Variants in TMEFF2 observed in about 807,000 individuals in gnomAD.
TMEFF2 encodes the protein tomoregulin-2.
Under a neutral mutation model 53.8 loss-of-function variants are expected in TMEFF2, and 28 were observed. The ratio of observed to expected loss-of-function variants is 0.52; its 90% confidence interval spans 0.39 to 0.71. The LOEUF (loss-of-function observed/expected upper bound fraction) is 0.71, where lower values mean the gene tolerates loss of function less well. Among genes scored for constraint, TMEFF2 ranks in the 30% least tolerant of loss-of-function variants. The pLI is 0.00. For missense variants in TMEFF2, 353 were observed against 455.2 expected, an observed-to-expected ratio of 0.78 and a Z score of 2.04; for synonymous variants, 162 against 166.3, an observed-to-expected ratio of 0.97 and a Z score of 0.20.
At chr2:192,131,670 C>G (rs901319131) in intron 4 of TMEFF2, among the ~76,000 whole-genome samples, 1 of 152,094 alleles carries the variant, frequency 6.6e-6, no homozygotes, top group Non-Finnish European at 1.5e-5. Context: ...ACTCTTTTCC[C>G]TGGGCTTGCC....
intron 4 of TMEFF2, among the ~76,000 whole-genome samples, chr2:192,112,691 A>G (rs1689311711): frequency 6.6e-6 from 1 of 152,094 alleles, no homozygotes; most frequent in African/African-American, 2.4e-5. Context: ...TGGTTGGGCT[A>G]TGTCCTCACC....
At chr2:192,103,566 G>A (rs955767926) in intron 4 of TMEFF2, among the ~76,000 whole-genome samples, 1 of 151,952 alleles carries the variant, frequency 6.6e-6, no homozygotes, top group Non-Finnish European at 1.5e-5. Context: ...AGACATTAAC[G>A]AAACCTGAGT....
chr2:191,987,336 T>A (rs1686001286), intron 7 of TMEFF2, among the ~76,000 whole-genome samples: 1 of 152,174 alleles, frequency 6.6e-6, no homozygotes, highest in South Asian at 2.1e-4. Context: ...AATCATGATT[T>A]CTGAACTAAA....
rs1691333448 is a variant in TMEFF2 at position 192,187,106 on chromosome 2, A to G, written c.283-2623T>C. ...AGACTTGCACTTATTAATATGAAGAACACCAGAAGGAAGCACGCTGTAAAT... is the reference window on the plus strand; with the variant it reads ...AGACTTGCACTTATTAATATGAAGAGCACCAGAAGGAAGCACGCTGTAAAT... On this transcript the variant is annotated intron_variant, in intron 2 of 9. Transcript: ENST00000272771. Among the ~76,000 whole-genome samples the G allele has an allele frequency of 2.0e-5, 3 of 152,170 alleles. No individual in the cohort carries two copies. The South Asian group carries it at 6.2e-4, about 32-fold the overall frequency.
intron 4 of TMEFF2, among the ~76,000 whole-genome samples, chr2:192,059,088 T>A (rs1224198624): frequency 6.6e-6 from 1 of 152,146 alleles, no homozygotes; most frequent in Non-Finnish European, 1.5e-5. Flanking sequence ...CAAGAAGACA[T>A]CCCTAGGAGA....
At chr2:192,176,283 T>G (rs1691041310) in intron 4 of TMEFF2, among the ~76,000 whole-genome samples, 1 of 151,372 alleles carries the variant, frequency 6.6e-6, no homozygotes, top group Non-Finnish European at 1.5e-5. Flanking sequence ...TGTGAATCTA[T>G]CCAACAAGTT....
intron 4 of TMEFF2, among the ~76,000 whole-genome samples, chr2:192,126,636 A>G (rs1221897824): frequency 6.6e-6 from 1 of 152,222 alleles, no homozygotes; most frequent in Non-Finnish European, 1.5e-5. Flanking sequence ...GCATACTTGC[A>G]ACTAGAAAGA....
chr2:192,008,269 A>G (rs1439605636), intron 5 of TMEFF2, among the ~76,000 whole-genome samples: 2 of 152,212 alleles, frequency 1.3e-5, no homozygotes, highest in African/African-American at 4.8e-5. Context: ...TGTGTTAGTG[A>G]GCAAACAAGG....
chr2:192,133,269 A>C (rs1320670280), intron 4 of TMEFF2, among the ~76,000 whole-genome samples: 1 of 152,002 alleles, frequency 6.6e-6, no homozygotes, highest in Admixed American at 6.6e-5. Flanking sequence ...CCAAGGCTTC[A>C]TTTGCGTCCT....
rs540831567 is a variant in TMEFF2, at chr2:192,037,254, C to T, written c.536+20425G>A. On this transcript the variant is annotated intron_variant, in intron 5 of 9. Coordinates refer to ENST00000272771, the MANE Select transcript of TMEFF2 (RefSeq NM_016192.4). ...GATGTTGCTAGAAGTGCAGAATGCA[C>T]TTCTAAGACTAGCCAAAATAAAGAA... 3 of 102,202 alleles carry T rather than the reference C, an allele frequency of 2.9e-5. No homozygotes were observed. The East Asian group carries it at 1.2e-3, about 39-fold the overall frequency. 6.3% of individuals were successfully genotyped at this position (102,202 alleles called of 1,614,324 possible). A position where few individuals can be genotyped will look rare whatever the true frequency, so the allele number is the denominator to read the frequency against.
At chr2:192,182,269 G>C (rs985368862) in intron 3 of TMEFF2, among the ~76,000 whole-genome samples, 4 of 151,846 alleles carry the variant, frequency 2.6e-5, no homozygotes, top group African/African-American at 9.7e-5. Context: ...AGAAAAGAAT[G>C]AGAATCCCTT....
At chr2:192,095,326 C>A (rs1161335429) in intron 4 of TMEFF2, among the ~76,000 whole-genome samples, 3 of 151,986 alleles carry the variant, frequency 2.0e-5, no homozygotes, top group Non-Finnish European at 4.4e-5. Flanking sequence ...TAAGAGTGTT[C>A]CTTGCAATAT....
chr2:191,993,126 T>G (rs561740574), intron 7 of TMEFF2, among the ~76,000 whole-genome samples: 2 of 152,216 alleles, frequency 1.3e-5, no homozygotes, highest in East Asian at 3.9e-4. Context: ...ACAGTATATA[T>G]GAAAAGGCTT....
intron 4 of TMEFF2, among the ~76,000 whole-genome samples, chr2:192,093,769 T>C (rs1415787221): frequency 6.6e-6 from 1 of 151,918 alleles, no homozygotes; most frequent in Non-Finnish European, 1.5e-5. Flanking sequence ...GTAAAAGCCT[T>C]TGTGATTACG....
intron 2 of TMEFF2, among the ~76,000 whole-genome samples, chr2:192,190,733 C>T (rs1486395487): frequency 2.6e-5 from 4 of 152,078 alleles, no homozygotes; most frequent in African/African-American, 9.7e-5. Context: ...CTAAAAGCCA[C>T]TTAAACTTTA....
intron 4 of TMEFF2, among the ~76,000 whole-genome samples, chr2:192,066,993 A>G (rs1214294506): frequency 6.6e-6 from 1 of 151,884 alleles, no homozygotes; most frequent in Non-Finnish European, 1.5e-5. Context: ...ATTATAAACA[A>G]TCGCTTGGGC....
intron 5 of TMEFF2, among the ~76,000 whole-genome samples, chr2:192,013,455 CT>C (rs879414897): frequency 2.9e-3 from 417 of 143,578 alleles, no homozygotes; most frequent in Middle Eastern, 3.7e-3. Flanking sequence ...ATATTACATA[CT>C]TTTTTTTTTT....
chr2:192,185,834 T>C (rs2106042209), intron 2 of TMEFF2, among the ~76,000 whole-genome samples: 2 of 152,200 alleles, frequency 1.3e-5, no homozygotes, highest in South Asian at 4.1e-4. Context: ...TCAATGTTCT[T>C]TGAAATGAAA....
At chr2:192,166,592 G>A (rs917350979) in intron 4 of TMEFF2, among the ~76,000 whole-genome samples, 3 of 152,046 alleles carry the variant, frequency 2.0e-5, no homozygotes, top group Non-Finnish European at 2.9e-5. Flanking sequence ...TCAGGCTTAA[G>A]GCTTTAAGTA....
Sources: gnomAD v4.1 joint callset for allele counts (sites outside exome capture counted in the v4.1 genomes callset) on GRCh38, gnomAD v4.1.1 for gene constraint, MANE v1.5 for transcripts, NCBI Gene and HGNC (gene_info 2026-07-23, HGNC 2026-07-21) for gene names.